Variants in ASTN2 observed in about 807,000 individuals in gnomAD.
The protein encoded by ASTN2 is astrotactin-2.
ASTN2 carries 54 observed loss-of-function variants against 139.8 expected under a neutral mutation model. The ratio of observed to expected loss-of-function variants is 0.39; its 90% CI spans 0.31 to 0.48. The LOEUF (loss-of-function observed/expected upper bound fraction) is 0.48. Among genes scored for constraint, ASTN2 ranks in the 20% least tolerant of loss-of-function variants. The probability of loss-of-function intolerance (pLI) is 0.95; values close to 1 mark genes in which losing one functional copy is unlikely to be tolerated. For missense variants in ASTN2, 1,565 were observed against 1,725.1 expected (o/e 0.91, Z 1.64); for synonymous variants, 756 against 719.5 (o/e 1.05, Z -0.81).
chr9:117,130,490 C>T (rs12343698), intron 4 of ASTN2, among the ~76,000 whole-genome samples: 3,873 of 152,254 alleles, frequency 0.025, 156 homozygotes, highest in African/African-American at 0.089. Context: ...GTCATCATGA[C>T]ACCAGCTTCT....
chr9:116,569,691 G>C (rs189573289), intron 19 of ASTN2, among the ~76,000 whole-genome samples: 1 of 152,322 alleles, frequency 6.6e-6, no homozygotes, highest in Admixed American at 6.5e-5. Context: ...CAAGATGCCA[G>C]AGATCCCTGA....
chr9:116,541,895 T>A (rs562688830), intron 19 of ASTN2, among the ~76,000 whole-genome samples: 2 of 152,314 alleles, frequency 1.3e-5, no homozygotes, highest in Non-Finnish European at 2.9e-5. Context: ...TAAGAAATAA[T>A]AGAGAGAGAC....
intron 10 of ASTN2, among the ~76,000 whole-genome samples, chr9:116,910,910 T>A (rs59971971): frequency 0.018 from 2,760 of 152,156 alleles, 73 homozygotes; most frequent in African/African-American, 0.06. Flanking sequence ...AGAAGTAGGG[T>A]AGAGCGAGAC....
chr9:117,294,804 C>A (rs1318585014), intron 1 of ASTN2, among the ~76,000 whole-genome samples: 1 of 152,180 alleles, frequency 6.6e-6, no homozygotes. Flanking sequence ...TCAAACAAGG[C>A]AGACTCCCAC....
chr9:116,555,151 G>C (rs1667644623), intron 19 of ASTN2, among the ~76,000 whole-genome samples: 2 of 152,284 alleles, frequency 1.3e-5, no homozygotes, highest in South Asian at 4.1e-4. Flanking sequence ...AGAAAAACGG[G>C]TCTATAGAGA....
intron 7 of ASTN2, among the ~76,000 whole-genome samples, chr9:117,007,857 G>A (rs1201473899): frequency 6.6e-6 from 1 of 152,074 alleles, no homozygotes; most frequent in East Asian, 1.9e-4. Flanking sequence ...CTGGAGCTAG[G>A]CCAGATGTTC....
intron 1 of ASTN2, among the ~76,000 whole-genome samples, chr9:117,363,764 G>A (rs555736439): frequency 6.6e-6 from 1 of 152,274 alleles, no homozygotes; most frequent in South Asian, 2.1e-4. Flanking sequence ...ATGATGTAGA[G>A]AGGTGGGACA....
chr9:117,364,719 GCTTAAA>G (rs1408291434), intron 1 of ASTN2, among the ~76,000 whole-genome samples: 4 of 152,012 alleles, frequency 2.6e-5, no homozygotes, highest in Non-Finnish European at 4.4e-5. Flanking sequence ...AAGCATCTGG[GCTTAAA>G]CTTAAGTTAC....
At chr9:116,685,970 A>G (rs1484908671) in intron 16 of ASTN2, among the ~76,000 whole-genome samples, 3 of 152,116 alleles carry the variant, frequency 2.0e-5, no homozygotes. Flanking sequence ...TCAGGAAAAA[A>G]AAAAATTTTA....
intron 13 of ASTN2, among the ~76,000 whole-genome samples, chr9:116,765,958 G>A (rs938520704): frequency 7.9e-5 from 12 of 152,190 alleles, no homozygotes; most frequent in East Asian, 7.7e-4. Context: ...GGGAATAAGC[G>A]TTGTGTGGCC....
intron 11 of ASTN2, among the ~76,000 whole-genome samples, chr9:116,835,974 C>A (rs901824145): frequency 6.6e-6 from 1 of 152,112 alleles, no homozygotes; most frequent in Non-Finnish European, 1.5e-5. Flanking sequence ...CTTCTATTTT[C>A]TCTGGCTTCT....
intron 19 of ASTN2, among the ~76,000 whole-genome samples, chr9:116,554,550 T>C (rs909285814): frequency 2.0e-5 from 3 of 152,228 alleles, no homozygotes; most frequent in African/African-American, 7.2e-5. Flanking sequence ...AATTAAGTCA[T>C]GAAGGATGGC....
At chr9:116,483,348 G>A (rs1018637078) in intron 20 of ASTN2, among the ~76,000 whole-genome samples, 2 of 152,238 alleles carry the variant, frequency 1.3e-5, no homozygotes, top group African/African-American at 4.8e-5. Context: ...AATCAGCCTT[G>A]ACTTTCACTC....
At chr9:116,964,468 G>T (rs565623791) in intron 10 of ASTN2, among the ~76,000 whole-genome samples, 1 of 152,300 alleles carries the variant, frequency 6.6e-6, no homozygotes, top group East Asian at 1.9e-4. Flanking sequence ...ACAGAGTGAG[G>T]CTTTCCAGGA....
chr9:116,701,475 T>C (rs996302652), intron 16 of ASTN2, among the ~76,000 whole-genome samples: 3 of 152,252 alleles, frequency 2.0e-5, no homozygotes, highest in Non-Finnish European at 2.9e-5. Flanking sequence ...GCAGGAGATC[T>C]GTCTTTGCTG....
intron 20 of ASTN2, among the ~76,000 whole-genome samples, chr9:116,466,993 G>A (rs1848666101): frequency 6.6e-6 from 1 of 152,120 alleles, no homozygotes; most frequent in South Asian, 2.1e-4. Flanking sequence ...TTCTCAATGT[G>A]GTTTGGGTGG....
intron 20 of ASTN2, among the ~76,000 whole-genome samples, chr9:116,459,557 T>G (rs1424082931): frequency 1.3e-5 from 2 of 151,982 alleles, no homozygotes; most frequent in Admixed American, 1.3e-4. Context: ...GCATTACAAC[T>G]GAACAATTTA....
At chr9:116,595,571 C>T (rs1004017692) in intron 19 of ASTN2, among the ~76,000 whole-genome samples, 1 of 152,110 alleles carries the variant, frequency 6.6e-6, no homozygotes, top group Non-Finnish European at 1.5e-5. Flanking sequence ...ATGGTCCGCC[C>T]ACCTCAACCT....
chr9:116,803,816 A>C, intron 13 of ASTN2, among the ~76,000 whole-genome samples: 1 of 149,130 alleles, frequency 6.7e-6, no homozygotes. Context: ...GAGCCACCAC[A>C]CCCAGCCCAG....
Sources: gnomAD v4.1 joint callset for allele counts (sites outside exome capture counted in the v4.1 genomes callset) on GRCh38, gnomAD v4.1.1 for gene constraint, MANE v1.5 for transcripts, NCBI Gene and HGNC (gene_info 2026-07-23, HGNC 2026-07-21) for gene names.